The following PLA2G2C variants were observed in gnomAD, a reference collection of about 807,000 sequenced individuals.
PLA2G2C encodes phospholipase A2 group IIC.
A neutral mutation model predicts 14.3 loss-of-function variants in PLA2G2C; 15 were observed. The ratio of observed to expected loss-of-function variants is 1.05; its 90% confidence interval spans 0.70 to 1.62. PLA2G2C has a LOEUF of 1.62. PLA2G2C is among the 40% of genes most tolerant of loss of function. The pLI is 0.00. For missense variants in PLA2G2C, 162 were observed against 173.2 expected (o/e 0.94, Z 0.36); for synonymous variants, 79 against 67.7 (o/e 1.17, Z -0.82).
intron 2 of PLA2G2C, among the ~76,000 whole-genome samples, chr1:20,175,935 G>C (rs1285393051): frequency 6.7e-6 from 1 of 148,420 alleles, no homozygotes; most frequent in Non-Finnish European, 1.5e-5. Context: ...TTGAGACGGA[G>C]TTTCGCTGTT....
In PLA2G2C at chr1:20,163,909, T is replaced by C; in HGVS notation, c.*82A>G. The C allele has an allele frequency of 7.0e-7, 1 of 1,424,964 alleles. No homozygotes were observed. Among genetic ancestry groups the C allele is most frequent in the Non-Finnish European group, 9.4e-7 (1 of 1,058,766 alleles). The allele number at this position is 1,424,964 out of a possible 1,614,324, so 88.3% of individuals were successfully genotyped here. On this transcript the variant is annotated 3_prime_UTR_variant, in exon 5 of 5. Transcript: ENST00000679259. ...CCCTCCCAGTGGAAGAACAGGGGCC[T>C]GTTGGGGATGATCTGAGAAGGCTTC... is the stretch of plus-strand genomic sequence containing the variant.
chr1:20,179,550 T>G (rs550604577), intron 1 of PLA2G2C, among the ~76,000 whole-genome samples: 1 of 150,150 alleles, frequency 6.7e-6, no homozygotes, highest in South Asian at 2.1e-4. Context: ...TGTGTTAGCT[T>G]GTCCCTCTGT....
At chr1:20,184,632 A>G (rs776049817) in intron 1 of PLA2G2C, 1 of 152,302 alleles carries the variant, frequency 6.6e-6, no homozygotes, top group Non-Finnish European at 1.5e-5. Flanking sequence ...CACCTTGGAG[A>G]GAATCAGAAG....
At chr1:20,179,488 CTT>C (rs1430600041) in intron 1 of PLA2G2C, among the ~76,000 whole-genome samples, 1 of 147,656 alleles carries the variant, frequency 6.8e-6, no homozygotes, top group South Asian at 2.1e-4. Context: ...CAGCTTCTCC[CTT>C]TTGTGTCAGC....
rs774646260 is a variant in PLA2G2C, at chr1:20,172,874, G to A, written c.203C>T (p.Pro68Leu). The stretch of plus-strand genomic sequence containing the variant: ...GCTGAACTCCTTCAGCTTCTCGTAG[G>A]GAGAGGGAGATGAGGGGCTGTGCCT... Reference protein sequence around the residue: ...TDRHSPSSPSPYEKLKEFSCQ... With the variant: ...TDRHSPSSPSLYEKLKEFSCQ... Residue 68 changes from proline to leucine, a missense_variant, in exon 4 of 5, where the codon CCC becomes CTC. Transcript: ENST00000679259. 19 of 1,613,714 alleles carry A rather than the reference G, an allele frequency of 1.2e-5. No individual in the cohort carries two copies. Among genetic ancestry groups the A allele is most frequent in the Non-Finnish European group, 1.5e-5 (18 of 1,179,836 alleles).
chr1:20,168,977 G>A (rs1167240645), intron 4 of PLA2G2C, among the ~76,000 whole-genome samples: 12 of 152,278 alleles, frequency 7.9e-5, no homozygotes, highest in Admixed American at 2.0e-4. Flanking sequence ...ATTTAGAGTC[G>A]TGGACAGACC....
intron 4 of PLA2G2C, among the ~76,000 whole-genome samples, chr1:20,166,937 AC>A (rs1217948046): frequency 6.6e-6 from 1 of 152,064 alleles, no homozygotes; most frequent in Non-Finnish European, 1.5e-5. Context: ...GCCAAGAAAA[AC>A]CGTCTTTGGA....
chr1:20,181,252 G>A (rs1035302357), intron 1 of PLA2G2C, among the ~76,000 whole-genome samples: 1 of 152,194 alleles, frequency 6.6e-6, no homozygotes, highest in African/African-American at 2.4e-5. Context: ...GAGTGAATGA[G>A]TGTTAAGAGT....
chr1:20,168,475 G>A (rs902057205), intron 4 of PLA2G2C, among the ~76,000 whole-genome samples: 2 of 152,200 alleles, frequency 1.3e-5, no homozygotes, highest in Admixed American at 1.3e-4. Context: ...TAGTCGGTGG[G>A]GGAGAGTCGA....
chr1:20,182,831 A>G (rs2018295435), intron 1 of PLA2G2C, among the ~76,000 whole-genome samples: 1 of 152,240 alleles, frequency 6.6e-6, no homozygotes, highest in Non-Finnish European at 1.5e-5. Flanking sequence ...AAATGGGGCC[A>G]AACACTCTGT....
At chr1:20,184,804 G>C (rs979381388) in intron 1 of PLA2G2C, among the ~76,000 whole-genome samples, 12 of 152,084 alleles carry the variant, frequency 7.9e-5, no homozygotes, top group Non-Finnish European at 1.0e-4. Context: ...AGGGAGGTGG[G>C]AGAGGGAGAG....
At chr1:20,169,768 G>C (rs1042852520) in intron 4 of PLA2G2C, among the ~76,000 whole-genome samples, 2 of 152,212 alleles carry the variant, frequency 1.3e-5, no homozygotes, top group African/African-American at 4.8e-5. Flanking sequence ...TTAAGGCCCA[G>C]CTATTAATAC....
intron 1 of PLA2G2C, among the ~76,000 whole-genome samples, chr1:20,179,390 ACTTCTCCCTTGTGTGTCAG>A (rs2018240702): frequency 6.8e-6 from 1 of 147,364 alleles, no homozygotes; most frequent in Admixed American, 6.8e-5. Flanking sequence ...CTCTGTGTCA[ACTTCTCCCTTGTGTGTCAG>A]CTTCTCTCTC....
intron 1 of PLA2G2C, among the ~76,000 whole-genome samples, chr1:20,179,403 G>A (rs527817450): frequency 1.3e-5 from 2 of 151,686 alleles, no homozygotes; most frequent in Admixed American, 1.3e-4. Context: ...TCTCCCTTGT[G>A]TGTCAGCTTC....
At chr1:20,181,379 C>T (rs779450687) in intron 1 of PLA2G2C, among the ~76,000 whole-genome samples, 1 of 152,026 alleles carries the variant, frequency 6.6e-6, no homozygotes, top group African/African-American at 2.4e-5. Flanking sequence ...CGAATCCTCC[C>T]GATGAGGCAT....
Position 20,172,767 on chromosome 1 carries a change from C to T in PLA2G2C, c.283+27G>A, listed in dbSNP as rs1414468159. On this transcript the variant is annotated intron_variant, in intron 4 of 4. Transcript: ENST00000679259. Reference sequence around the variant, plus strand: ...TTAAGGAAAGGCCCAGGTTAAAAGACATTTCCATACAGAAAAGGCTACTCA... The same window carrying T: ...TTAAGGAAAGGCCCAGGTTAAAAGATATTTCCATACAGAAAAGGCTACTCA... The T allele has an allele frequency of 1.9e-6, 3 of 1,583,326 alleles. No individual in the cohort carries two copies. In the Admixed American group the frequency reaches 5.2e-5, roughly 27 times the overall value.
intron 1 of PLA2G2C, chr1:20,186,063 C>T (rs574983259): frequency 6.9e-6 from 1 of 145,118 alleles, no homozygotes; most frequent in South Asian, 2.5e-4. Flanking sequence ...AGCACGTGGC[C>T]CCCCACCCTG....
chr1:20,181,740 C>T (rs1015829772), intron 1 of PLA2G2C, among the ~76,000 whole-genome samples: 4 of 152,170 alleles, frequency 2.6e-5, no homozygotes, highest in Admixed American at 1.3e-4. Context: ...GTGATTAAAG[C>T]GATAATCAAC....
At position 20,163,962 on chromosome 1, in the gene PLA2G2C, T is replaced by A. The variant is rs1256846230; in HGVS notation, c.*29A>T. On this transcript the variant is annotated 3_prime_UTR_variant, in exon 5 of 5. Transcript: ENST00000679259. ...GGAAGAGCAACACTAGAGCGGATGC[T>A]GGATGATGAGAGGGACCCTGTGGTG... 2 of 1,600,656 alleles carry A rather than the reference T, an allele frequency of 1.2e-6. No homozygotes were observed. Among genetic ancestry groups the A allele is most frequent in the Admixed American group, 3.4e-5 (2 of 58,466 alleles).
Sources: gnomAD v4.1 joint callset for allele counts (sites outside exome capture counted in the v4.1 genomes callset) on GRCh38, gnomAD v4.1.1 for gene constraint, MANE v1.5 for transcripts, NCBI Gene and HGNC (gene_info 2026-07-23, HGNC 2026-07-21) for gene names.